Variants in IQSEC3 observed in about 807,000 individuals in gnomAD.
IQSEC3 encodes the protein IQ motif and SEC7 domain-containing protein 3.
IQSEC3 carries 50 observed loss-of-function variants against 105.4 expected under a neutral mutation model. That is an observed-to-expected ratio of 0.47 (90% confidence interval 0.38 to 0.60). The LOEUF is 0.60. Ranked by LOEUF, IQSEC3 falls within the 20% of genes least tolerant of loss-of-function variation. The pLI is 0.00. For missense variants in IQSEC3, 1,415 were observed against 1,630.0 expected (o/e 0.87, Z 2.27); for synonymous variants, 708 against 746.0 (o/e 0.95, Z 0.83).
chr12:107,165 C>T (rs1310662568), intron 2 of IQSEC3, among the ~76,000 whole-genome samples: 1 of 152,174 alleles, frequency 6.6e-6, no homozygotes, highest in African/African-American at 2.4e-5. Context: ...TAAAGTGGCT[C>T]CCATTGTCTG....
At chr12:147,842 T>A (rs1351493326) in intron 5 of IQSEC3, 1 of 152,238 alleles carries the variant, frequency 6.6e-6, no homozygotes, top group Non-Finnish European at 1.5e-5. Context: ...TCAAGAGGTC[T>A]GAGCCAGATT....
At chr12:69,602 C>A (rs1409701124) in intron 1 of IQSEC3, among the ~76,000 whole-genome samples, 2 of 152,266 alleles carry the variant, frequency 1.3e-5, no homozygotes, top group Non-Finnish European at 2.9e-5. Flanking sequence ...CTCCTGCTCC[C>A]CAATCCTGCA....
chr12:67,063 C>A lies in IQSEC3; in HGVS notation c.181C>A (p.Gln61Lys), dbSNP rs1555065613. 6.5e-7 allele frequency: 1 copy of A among 1,530,544 alleles called. No homozygotes were observed. Among genetic ancestry groups the A allele is most frequent in the South Asian group, 1.2e-5 (1 of 83,728 alleles). 94.8% of individuals were successfully genotyped at this position (1,530,544 alleles called of 1,614,324 possible). A position where few individuals can be genotyped will look rare whatever the true frequency, so the allele number is the denominator to read the frequency against. The change falls in exon 1 of 14, where the codon CAA becomes AAA. Residue 61 changes from glutamine (Q) to lysine (K), a missense_variant. This residue lies in a region of IQSEC3 where 34 missense variants were observed against 80.3 expected (regional missense o/e 0.42). Coordinates refer to ENST00000538872, the MANE Select transcript of IQSEC3 (RefSeq NM_001170738.2). ...CCTGTGGGAGCACCAGCAGCTGCTG[C>A]AAGCCCAGCCTCCGCCCGGGCTCGT... ...RSLWEHQQLL[Q>K]AQPPPGLVPP... is the part of the protein sequence containing the mutation.
chr12:135,564 T>G (rs1187988724), intron 3 of IQSEC3, among the ~76,000 whole-genome samples: 1 of 152,228 alleles, frequency 6.6e-6, no homozygotes, highest in African/African-American at 2.4e-5. Context: ...TGAGTGAATG[T>G]GATGGGACAT....
At chr12:156,841 C>T (rs1555094394) in intron 5 of IQSEC3, among the ~76,000 whole-genome samples, 184 bp from the exon 6 acceptor site, 2 of 152,114 alleles carry the variant, frequency 1.3e-5, no homozygotes, top group African/African-American at 2.4e-5. Flanking sequence ...GTTTGGGTTC[C>T]GAAAGGGCTA....
At chr12:163,388 G>GCCCCTCCCCTCTCCCTCCACAGAACCGGA in intron 8 of IQSEC3, 106 bp from the exon 9 acceptor site, 10 of 563,340 alleles carry the variant, frequency 1.8e-5, no homozygotes, top group Non-Finnish European at 2.4e-5. Context: ...ACAGAACCGG[G>GCCCCTCCCCTCTCCCTCCACAGAACCGGA]CCCCTCCCCT....
intron 2 of IQSEC3, among the ~76,000 whole-genome samples, chr12:118,999 A>C (rs530094943): frequency 9.5e-4 from 144 of 152,250 alleles, no homozygotes; most frequent in Admixed American, 2.9e-3. Context: ...TGTACTTCCC[A>C]CCGTGGTGGA....
chr12:164,341 C>T (rs1224230222), intron 9 of IQSEC3, among the ~76,000 whole-genome samples: 2 of 152,060 alleles, frequency 1.3e-5, no homozygotes, highest in Non-Finnish European at 2.9e-5. Flanking sequence ...CTCCACACGG[C>T]TCTCCCCACC....
rs919907500 is a variant in IQSEC3 at position 175,100 on chromosome 12, T to C, written c.*67T>C. 1 of 1,217,104 alleles carries C rather than the reference T, an allele frequency of 8.2e-7. No homozygotes were observed. Among genetic ancestry groups the C allele is most frequent in the Admixed American group, 2.6e-5 (1 of 37,886 alleles). 75.4% of individuals were successfully genotyped at this position (1,217,104 alleles called of 1,614,324 possible). A position where few individuals can be genotyped will look rare whatever the true frequency, so the allele number is the denominator to read the frequency against. On this transcript the variant is annotated 3_prime_UTR_variant, in exon 14 of 14. Coordinates refer to ENST00000538872, the MANE Select transcript of IQSEC3 (RefSeq NM_001170738.2). ...TGGGGGGCCTGGGCTGCCCCTCCAC[T>C]GCTCCCCATACCCTGGCACGATGCG... is the stretch of plus-strand genomic sequence containing the variant.
chr12:122,344 G>A (rs535536466), intron 2 of IQSEC3, among the ~76,000 whole-genome samples: 2 of 152,308 alleles, frequency 1.3e-5, no homozygotes, highest in African/African-American at 4.8e-5. Context: ...GACTGGCCCA[G>A]GAGGAGGACA....
At position 139,320 on chromosome 12, in the gene IQSEC3, C is replaced by A; in HGVS notation, c.1957C>A (p.Arg653=). The A allele has an allele frequency of 6.3e-7, 1 of 1,592,062 alleles. No homozygotes were observed. Among genetic ancestry groups the A allele is most frequent in the Non-Finnish European group, 8.5e-7 (1 of 1,170,182 alleles). The change falls in exon 4 of 14, where the codon CGG becomes AGG. Residue 653 remains arginine, a synonymous_variant. Transcript: ENST00000538872. ...PTLSTDTLRK[R]LYRIGLNLFN... ...GCTCTCCACCGACACCCTGCGCAAG[C>A]GGCTCTACCGCATCGGCCTCAACCT...
chr12:88,479 G>A (rs1034949956), intron 1 of IQSEC3, among the ~76,000 whole-genome samples: 1 of 152,156 alleles, frequency 6.6e-6, no homozygotes, highest in Non-Finnish European at 1.5e-5. Context: ...CTAGAAGAAC[G>A]TCAAAGCTCC....
intron 3 of IQSEC3, among the ~76,000 whole-genome samples, chr12:135,127 C>T (rs1478310692): frequency 2.6e-5 from 4 of 151,700 alleles, no homozygotes; most frequent in African/African-American, 4.8e-5. Context: ...GGGACTCCAT[C>T]TCAAAGAAAA....
intron 2 of IQSEC3, among the ~76,000 whole-genome samples, chr12:108,784 G>A (rs528663669): frequency 6.6e-6 from 1 of 152,370 alleles, no homozygotes; most frequent in Admixed American, 6.5e-5. Context: ...TTGAAGAGCT[G>A]CCAGCCTGTG....
intron 7 of IQSEC3, among the ~76,000 whole-genome samples, chr12:159,221 T>C (rs1186940254): frequency 6.6e-6 from 1 of 152,170 alleles, no homozygotes; most frequent in Non-Finnish European, 1.5e-5. Context: ...CAGCCCCCAC[T>C]TCCCACCCTA....
At chr12:143,823 ACC>A in intron 5 of IQSEC3, 2 of 115,354 alleles carry the variant, frequency 1.7e-5, no homozygotes, top group South Asian at 3.6e-4. Context: ...CACGCTGGGC[ACC>A]CGTGTGTGTG....
chr12:74,587 T>C (rs1355537325), intron 1 of IQSEC3, among the ~76,000 whole-genome samples: 1 of 152,260 alleles, frequency 6.6e-6, no homozygotes, highest in African/African-American at 2.4e-5. Flanking sequence ...CTTTCCTCCC[T>C]GGCAGGTGGG....
intron 2 of IQSEC3, 31 bp from the exon 3 acceptor site, chr12:125,602 C>G (rs1555083007): frequency 1.4e-6 from 2 of 1,470,012 alleles, no homozygotes; most frequent in Middle Eastern, 1.8e-4. Flanking sequence ...GCCCTCTCCC[C>G]CAACCGAGCA....
chr12:73,816 A>G (rs190487316), intron 1 of IQSEC3, among the ~76,000 whole-genome samples: 95 of 152,392 alleles, frequency 6.2e-4, no homozygotes, highest in African/African-American at 2.1e-3. Context: ...CATGTGCTCT[A>G]TTCTCATTTA....
Sources: gnomAD v4.1 joint callset for allele counts (sites outside exome capture counted in the v4.1 genomes callset) on GRCh38, gnomAD v4.1.1 for gene constraint, gnomAD v4.1.1 regional missense constraint, MANE v1.5 for transcripts, NCBI Gene and HGNC (gene_info 2026-07-23, HGNC 2026-07-21) for gene names.